The following MFHAS1 variants were observed in gnomAD, a reference collection of about 807,000 sequenced individuals.
MFHAS1 encodes the protein multifunctional ROCO family signaling regulator 1.
A neutral mutation model predicts 70.4 loss-of-function variants in MFHAS1; 50 were observed. That is an observed-to-expected ratio of 0.71 (90% confidence interval 0.57 to 0.90). The LOEUF (loss-of-function observed/expected upper bound fraction) is 0.90. MFHAS1 is among the 40% of genes least tolerant of loss of function. The pLI, the probability that MFHAS1 is intolerant of heterozygous loss-of-function variation, is 0.00. For missense variants in MFHAS1, 1,795 were observed against 1,347.6 expected (o/e 1.33, Z -5.20); for synonymous variants, 952 against 620.0 (o/e 1.54, Z -7.96).
chr8:8,807,651 T>C (rs28521483), intron 1 of MFHAS1, among the ~76,000 whole-genome samples: 15,868 of 152,252 alleles, frequency 0.1, 1,041 homozygotes, highest in African/African-American at 0.18. Context: ...TTCGCGTGGA[T>C]GGCATGCACA....
rs1412612075 is a variant in MFHAS1, at chr8:8,796,704, G to T, written c.3125+661C>A. ...GTCTCAAAACAAAAAAAAAAAAAAA[G>T]GCAAAAAAAGGCCGGACGTGGTGGC... On this transcript the variant is annotated intron_variant, in intron 2 of 2. Coordinates refer to ENST00000276282, the MANE Select transcript of MFHAS1 (RefSeq NM_004225.3). 1.7e-3 allele frequency among the ~76,000 whole-genome samples: 76 copies of T among 44,692 alleles called. 1 individual carries two copies. The highest frequency in any genetic ancestry group is 5.6e-3 in the African/African-American group (73 of 12,940). 29.3% of individuals were successfully genotyped at this position (44,692 alleles called of 152,430 possible).
chr8:8,809,071 G>A (rs917656389), intron 1 of MFHAS1, among the ~76,000 whole-genome samples: 1 of 152,126 alleles, frequency 6.6e-6, no homozygotes, highest in African/African-American at 2.4e-5. Context: ...ACTTGTATGT[G>A]AGGGATCTAG....
intron 1 of MFHAS1, among the ~76,000 whole-genome samples, chr8:8,888,004 T>C (rs1206424595): frequency 6.6e-6 from 1 of 152,212 alleles, no homozygotes; most frequent in African/African-American, 2.4e-5. Flanking sequence ...TGGCTTCAGG[T>C]TGCTCCTTCA....
chr8:8,875,667 C>T (rs961936732), intron 1 of MFHAS1, among the ~76,000 whole-genome samples: 4 of 152,160 alleles, frequency 2.6e-5, no homozygotes, highest in African/African-American at 9.6e-5. Context: ...CTCAGCTCAC[C>T]GTAACCTCTG....
chr8:8,890,547 C>T lies in MFHAS1; in HGVS notation c.2512G>A (p.Gly838Ser), dbSNP rs752225327. ...GCTGTGGACCCATTCAAAGGCTTGCCCTTGGGTTTATTGAGGCAGTAACAG... is the reference window on the plus strand; with the variant it reads ...GCTGTGGACCCATTCAAAGGCTTGCTCTTGGGTTTATTGAGGCAGTAACAG... ...GLCYCLNKPK[G>S]KPLNGSTAWY... The change falls in exon 1 of 3, where the codon GGC becomes AGC. Residue 838 changes from glycine to serine, a missense_variant. Transcript: ENST00000276282. 4 of 1,613,392 alleles carry T rather than the reference C, an allele frequency of 2.5e-6. No homozygotes were observed. Among genetic ancestry groups the T allele is most frequent in the South Asian group, 2.2e-5 (2 of 91,080 alleles).
At chr8:8,796,669 G>A (rs1211911187) in intron 2 of MFHAS1, among the ~76,000 whole-genome samples, 2 of 97,032 alleles carry the variant, frequency 2.1e-5, no homozygotes, top group Non-Finnish European at 3.6e-5. Flanking sequence ...GGGCGACAGA[G>A]CAAGACTCCG....
At chr8:8,854,704 A>G (rs1057219053) in intron 1 of MFHAS1, among the ~76,000 whole-genome samples, 2 of 151,978 alleles carry the variant, frequency 1.3e-5, no homozygotes, top group Non-Finnish European at 2.9e-5. Flanking sequence ...AAAAGGAAGA[A>G]AGAAAAAAAT....
At position 8,825,191 on chromosome 8, in the gene MFHAS1, G is replaced by C. The variant is rs184784762; in HGVS notation, c.2999-27700C>G. On this transcript the variant is annotated intron_variant, in intron 1 of 2. Transcript: ENST00000276282. Reference sequence around the variant, plus strand: ...AAGGGTTGCGGTTTTTTTGTTTTTTGAGATGGAGTCTCCCTCTATTGCCCA... The same window carrying C: ...AAGGGTTGCGGTTTTTTTGTTTTTTCAGATGGAGTCTCCCTCTATTGCCCA... Among the ~76,000 whole-genome samples, 330 of 152,136 alleles carry C rather than the reference G, an allele frequency of 2.2e-3. 2 individuals are homozygous for C. Among genetic ancestry groups the C allele is most frequent in the African/African-American group, 7.3e-3 (305 of 41,518 alleles).
At chr8:8,790,362 C>T (rs2117244778) in intron 2 of MFHAS1, 1 of 984,932 alleles carries the variant, frequency 1.0e-6, no homozygotes, top group South Asian at 4.7e-5. Context: ...AGTTTGGGTA[C>T]AGTAAAAATG....
intron 2 of MFHAS1, among the ~76,000 whole-genome samples, chr8:8,792,095 A>G (rs750816046): frequency 1.4e-4 from 22 of 152,124 alleles, no homozygotes; most frequent in Non-Finnish European, 2.5e-4. Flanking sequence ...AAAATTAGCC[A>G]GGCATGGTGG....
intron 1 of MFHAS1, among the ~76,000 whole-genome samples, chr8:8,826,100 GT>G (rs746794803): frequency 2.0e-5 from 3 of 152,190 alleles, no homozygotes; most frequent in African/African-American, 7.2e-5. Flanking sequence ...CATATTCATT[GT>G]TTTTTTAAAA....
intron 2 of MFHAS1, among the ~76,000 whole-genome samples, chr8:8,788,954 A>G (rs1805639649): frequency 6.6e-6 from 1 of 152,184 alleles, no homozygotes; most frequent in Non-Finnish European, 1.5e-5. Flanking sequence ...CACGGCCAGG[A>G]GTTTGAACTT....
chr8:8,827,789 G>C (rs1405822253), intron 1 of MFHAS1, among the ~76,000 whole-genome samples: 1 of 151,892 alleles, frequency 6.6e-6, no homozygotes, highest in Non-Finnish European at 1.5e-5. Flanking sequence ...GACACGCTTT[G>C]GGGGGAAAAA....
In MFHAS1 at chr8:8,816,883, C is replaced by A. The variant is rs551779278; in HGVS notation, c.2999-19392G>T. 3.9e-4 allele frequency among the ~76,000 whole-genome samples: 60 copies of A among 152,290 alleles called. No homozygotes were observed. In the South Asian group the frequency reaches 0.011, roughly 27 times the overall value. ...GTAAGCCAAGGTTAACATACTCTTA[C>A]CCATCTCTAATCAACTAAAGACATA... is the stretch of plus-strand genomic sequence containing the variant. On this transcript the variant is annotated intron_variant, in intron 1 of 2. Transcript: ENST00000276282.
chr8:8,880,088 G>A (rs776499400), intron 1 of MFHAS1, among the ~76,000 whole-genome samples: 2 of 152,176 alleles, frequency 1.3e-5, no homozygotes, highest in Non-Finnish European at 2.9e-5. Context: ...GAACAGACCA[G>A]GAGGCTTGGA....
intron 1 of MFHAS1, among the ~76,000 whole-genome samples, chr8:8,867,325 A>T (rs2116901050): frequency 6.6e-6 from 1 of 152,298 alleles, no homozygotes; most frequent in Middle Eastern, 3.4e-3. Context: ...ACATTTTTGA[A>T]AGTATGCTTC....
chr8:8,802,790 G>A (rs549554504), intron 1 of MFHAS1, among the ~76,000 whole-genome samples: 7 of 152,282 alleles, frequency 4.6e-5, no homozygotes, highest in South Asian at 4.1e-4. Flanking sequence ...CAGGCTGTGC[G>A]GAAAGCAGGC....
At chr8:8,860,532 T>C (rs752867531) in intron 1 of MFHAS1, among the ~76,000 whole-genome samples, 1 of 152,232 alleles carries the variant, frequency 6.6e-6, no homozygotes, top group Non-Finnish European at 1.5e-5. Flanking sequence ...CCGGATTCTC[T>C]AGAATGTGTC....
intron 1 of MFHAS1, among the ~76,000 whole-genome samples, chr8:8,845,818 T>C (rs1808011197): frequency 6.6e-6 from 1 of 152,122 alleles, no homozygotes; most frequent in Non-Finnish European, 1.5e-5. Context: ...CAAAATCTGC[T>C]CCTCTCCCTA....
Sources: allele counts gnomAD v4.1 joint callset (sites outside exome capture counted in the v4.1 genomes callset), GRCh38; gene constraint gnomAD v4.1.1; transcripts MANE v1.5; gene names NCBI Gene and HGNC (gene_info 2026-07-23, HGNC 2026-07-21).